The following MYT1L variants were observed in gnomAD, a reference collection of about 807,000 sequenced individuals.
MYT1L encodes myelin transcription factor 1-like protein.
MYT1L carries 12 observed loss-of-function variants against 126.7 expected under a neutral mutation model. The observed-to-expected ratio is 0.09, with a 90% CI of 0.06 to 0.15. The LOEUF is 0.15. Among genes scored for constraint, MYT1L ranks in the 10% least tolerant of loss-of-function variants. MYT1L has a pLI of 1.00. For missense variants in MYT1L, 979 were observed against 1,585.2 expected, an observed-to-expected ratio of 0.62 and a Z score of 6.49; for synonymous variants, 541 against 604.2, an observed-to-expected ratio of 0.90 and a Z score of 1.53.
At chr2:2,289,974 G>A (rs2095575497) in intron 1 of MYT1L, among the ~76,000 whole-genome samples, 1 of 152,188 alleles carries the variant, frequency 6.6e-6, no homozygotes, top group Non-Finnish European at 1.5e-5. Flanking sequence ...GAGAGGAAAT[G>A]TGCTCCCTGG....
At chr2:1,823,190 C>T (rs2038801395) in intron 21 of MYT1L, among the ~76,000 whole-genome samples, 1 of 152,200 alleles carries the variant, frequency 6.6e-6, no homozygotes, top group African/African-American at 2.4e-5. Flanking sequence ...AGCCCTGTGG[C>T]AGCTTGGCCT....
chr2:1,796,806 T>C (rs140715856), intron 23 of MYT1L, among the ~76,000 whole-genome samples: 2 of 152,242 alleles, frequency 1.3e-5, no homozygotes, highest in Admixed American at 6.5e-5. Context: ...TCGGGCTCCT[T>C]GCTCCAGGCC....
intron 2 of MYT1L, among the ~76,000 whole-genome samples, chr2:2,183,806 A>T (rs2091799246): frequency 6.7e-6 from 1 of 149,156 alleles, no homozygotes; most frequent in South Asian, 2.2e-4. Context: ...GAAAAAAGGA[A>T]GGAAGGAGAG....
chr2:2,316,482 G>A (rs537361890), intron 1 of MYT1L, among the ~76,000 whole-genome samples: 1 of 152,268 alleles, frequency 6.6e-6, no homozygotes, highest in South Asian at 2.1e-4. Context: ...AAGCCAATGG[G>A]GCTATTTCCT....
At chr2:1,858,650 A>T (rs956526367) in intron 18 of MYT1L, among the ~76,000 whole-genome samples, 15 of 152,280 alleles carry the variant, frequency 9.9e-5, no homozygotes, top group Non-Finnish European at 1.2e-4. Context: ...ATCCTGTATC[A>T]CTTCTGGCCA....
chr2:2,005,608 A>G (rs547289306), intron 4 of MYT1L, among the ~76,000 whole-genome samples: 3 of 145,230 alleles, frequency 2.1e-5, no homozygotes, highest in East Asian at 4.2e-4. Flanking sequence ...TATTTCCTGC[A>G]TATGTTCTTT....
At chr2:2,016,154 G>T (rs550682575) in intron 4 of MYT1L, among the ~76,000 whole-genome samples, 1 of 152,256 alleles carries the variant, frequency 6.6e-6, no homozygotes, top group Admixed American at 6.5e-5. Flanking sequence ...CTGTTTGGGT[G>T]CAGGGGACAA....
At chr2:2,295,613 G>GAGAGAGACAGAC (rs2095666972) in intron 1 of MYT1L, among the ~76,000 whole-genome samples, 2 of 93,580 alleles carry the variant, frequency 2.1e-5, no homozygotes, top group Admixed American at 2.0e-4. Context: ...GACAGACAGA[G>GAGAGAGACAGAC]AGAGAGAGAG....
intron 3 of MYT1L, among the ~76,000 whole-genome samples, chr2:2,112,097 C>T (rs1399972734): frequency 6.6e-6 from 1 of 152,200 alleles, no homozygotes; most frequent in African/African-American, 2.4e-5. Context: ...CCCAGAGCCC[C>T]CTCCCGTGTT....
At chr2:2,014,469 C>A (rs1267719994) in intron 4 of MYT1L, among the ~76,000 whole-genome samples, 4 of 152,098 alleles carry the variant, frequency 2.6e-5, no homozygotes, top group Admixed American at 2.6e-4. Flanking sequence ...CAGCAGCAGA[C>A]CAGAGTCAAA....
intron 4 of MYT1L, among the ~76,000 whole-genome samples, chr2:2,031,227 C>T (rs888956113): frequency 1.6e-4 from 25 of 152,168 alleles, no homozygotes; most frequent in Non-Finnish European, 3.2e-4. Flanking sequence ...GGCTGTGATA[C>T]GGAAATGAAG....
intron 8 of MYT1L, among the ~76,000 whole-genome samples, chr2:1,952,872 TC>T (rs1558518165): frequency 2.8e-5 from 2 of 71,236 alleles, no homozygotes; most frequent in African/African-American, 7.2e-5. Context: ...TTCTTTCCCT[TC>T]CCTCCTTCCT....
chr2:2,286,537 A>G (rs1174104694), intron 1 of MYT1L, among the ~76,000 whole-genome samples: 1 of 152,240 alleles, frequency 6.6e-6, no homozygotes, highest in Non-Finnish European at 1.5e-5. Context: ...CCCATTAGTA[A>G]ACTTTTATGA....
At chr2:1,983,612 C>T (rs1246312521) in intron 5 of MYT1L, among the ~76,000 whole-genome samples, 3 of 152,224 alleles carry the variant, frequency 2.0e-5, no homozygotes, top group Non-Finnish European at 4.4e-5. Context: ...CCTGCCCTGC[C>T]CTTCTCTCCT....
chr2:1,928,710 C>A (rs2054547662), intron 9 of MYT1L, among the ~76,000 whole-genome samples: 2 of 152,110 alleles, frequency 1.3e-5, no homozygotes, highest in Admixed American at 1.3e-4. Context: ...GATTTATGGA[C>A]TGAAGGCTTG....
chr2:2,096,364 T>C (rs66924461), intron 3 of MYT1L, among the ~76,000 whole-genome samples: 12,664 of 152,224 alleles, frequency 0.083, 687 homozygotes, highest in African/African-American at 0.15. Flanking sequence ...CTGCTCCCTT[T>C]CAGAGGCAGC....
At chr2:2,234,607 A>G (rs2094239743) in intron 2 of MYT1L, among the ~76,000 whole-genome samples, 1 of 152,204 alleles carries the variant, frequency 6.6e-6, no homozygotes, top group African/African-American at 2.4e-5. Context: ...CAAAGTCAAC[A>G]GTGCCTCCCA....
At chr2:2,153,930 G>C (rs1409734026) in intron 3 of MYT1L, among the ~76,000 whole-genome samples, 3 of 152,152 alleles carry the variant, frequency 2.0e-5, no homozygotes, top group Non-Finnish European at 4.4e-5. Context: ...GTGCTGATGA[G>C]GCTGCTGGTG....
intron 2 of MYT1L, among the ~76,000 whole-genome samples, chr2:2,197,410 A>G (rs1011656963): frequency 6.6e-6 from 1 of 152,184 alleles, no homozygotes; most frequent in East Asian, 1.9e-4. Flanking sequence ...AGAATAAAAT[A>G]CTATTGACTG....
Sources: gnomAD v4.1 joint callset for allele counts (sites outside exome capture counted in the v4.1 genomes callset) on GRCh38, gnomAD v4.1.1 for gene constraint, MANE v1.5 for transcripts, NCBI Gene and HGNC (gene_info 2026-07-23, HGNC 2026-07-21) for gene names.